PIK3C2B: variants seen among roughly 807,000 people sequenced by gnomAD.
The protein encoded by PIK3C2B is phosphatidylinositol 4-phosphate 3-kinase C2 domain-containing subunit beta.
In PIK3C2B, 83 loss-of-function variants were observed where a neutral mutation model predicts 184.3. The observed-to-expected ratio is 0.45, with a 90% confidence interval of 0.38 to 0.54. The LOEUF (loss-of-function observed/expected upper bound fraction) is 0.54. PIK3C2B is among the 20% of genes least tolerant of loss of function. PIK3C2B has a pLI of 0.00. For missense variants in PIK3C2B, 1,736 were observed against 2,113.5 expected (o/e 0.82, Z 3.50); for synonymous variants, 779 against 837.6 (o/e 0.93, Z 1.21).
chr1:204,451,042 C>A (rs1654305943), intron 12 of PIK3C2B, among the ~76,000 whole-genome samples: 1 of 152,246 alleles, frequency 6.6e-6, no homozygotes, highest in Admixed American at 6.5e-5. Flanking sequence ...GTGAGGCACT[C>A]CCTCCAGCCC....
chr1:204,439,843 C>T (rs1675550464), intron 22 of PIK3C2B, among the ~76,000 whole-genome samples: 1 of 152,118 alleles, frequency 6.6e-6, no homozygotes, highest in Non-Finnish European at 1.5e-5. Context: ...CTAGGTTGGT[C>T]CCAAACATTC....
chr1:204,474,782 C>T (rs1656588758), intron 1 of PIK3C2B, among the ~76,000 whole-genome samples: 2 of 151,518 alleles, frequency 1.3e-5, no homozygotes, highest in Admixed American at 1.3e-4. Context: ...TTTACATGCC[C>T]ACTCATATCT....
Position 204,445,978 on chromosome 1 carries a change from C to T in PIK3C2B, c.2656G>A (p.Ala886Thr), listed in dbSNP as rs774644658. ...CACGTGGCATGCAGGAGCCCCAGGGCATCCTGGTGGTTCATGTGGGTCCAC... is the reference window on the plus strand; with the variant it reads ...CACGTGGCATGCAGGAGCCCCAGGGTATCCTGGTGGTTCATGTGGGTCCAC... ...KQWTHMNHQD[A>T]LGLLHATFPD... Residue 886 changes from alanine to threonine, a missense_variant, in exon 16 of 33, where the codon GCC becomes ACC. Ala to Thr is a moderately conservative substitution (Grantham distance 58). Transcript: ENST00000684373. 5 of 1,550,680 alleles carry T rather than the reference C, an allele frequency of 3.2e-6. No homozygotes were observed. In the South Asian group the frequency reaches 5.9e-5, roughly 18 times the overall value.
Position 204,457,089 on chromosome 1 carries a change from G to A in PIK3C2B, c.1714-19C>T. The A allele has an allele frequency of 2.6e-6, 4 of 1,558,984 alleles. No individual in the cohort carries two copies. The highest frequency in any genetic ancestry group is 3.5e-6 in the Non-Finnish European group (4 of 1,150,050). ...TGGGATCCTGTTGGGAAAAAGAAGAGGGAGGGGAGCTTCAGGGCCATAGCC... is the reference window on the plus strand; with the variant it reads ...TGGGATCCTGTTGGGAAAAAGAAGAAGGAGGGGAGCTTCAGGGCCATAGCC... On this transcript the variant is annotated intron_variant, in intron 9 of 32. Coordinates refer to ENST00000684373, the MANE Select transcript of PIK3C2B (RefSeq NM_001377334.1).
intron 20 of PIK3C2B, 115 bp from the exon 21 acceptor site, chr1:204,441,678 G>T (rs1572308791): frequency 1.7e-6 from 1 of 605,720 alleles, no homozygotes; most frequent in South Asian, 2.3e-5. Flanking sequence ...GTCCACCCAA[G>T]ACCTGCTCAT....
intron 1 of PIK3C2B, among the ~76,000 whole-genome samples, chr1:204,479,533 A>G (rs901612999): frequency 2.0e-5 from 3 of 152,220 alleles, no homozygotes; most frequent in Admixed American, 2.0e-4. Context: ...AGGAAACCCT[A>G]AACGCTCTGA....
chr1:204,428,946 G>T (rs777177742), intron 29 of PIK3C2B: 1 of 454,248 alleles, frequency 2.2e-6, no homozygotes, highest in Non-Finnish European at 4.4e-6. Flanking sequence ...AAAACAGGCC[G>T]AGCGCAGTGG....
chr1:204,428,908 G>A (rs772440140), intron 29 of PIK3C2B: 1 of 456,160 alleles, frequency 2.2e-6, no homozygotes, highest in South Asian at 1.5e-5. Context: ...ATGCTTGAAA[G>A]TTTTAACCCT....
Position 204,491,058 on chromosome 1 carries a change from G to A in PIK3C2B, c.-85+3298C>T, listed in dbSNP as rs1040939445. On this transcript the variant is annotated intron_variant, in intron 1 of 32. Coordinates refer to ENST00000684373, the MANE Select transcript of PIK3C2B (RefSeq NM_001377334.1). ...ACATGCCCATGAGATGTCCCAGGCTGGTGACGTCTCATGGGCATTCAAGGA... is the reference window on the plus strand; with the variant it reads ...ACATGCCCATGAGATGTCCCAGGCTAGTGACGTCTCATGGGCATTCAAGGA... Among the ~76,000 whole-genome samples the A allele has an allele frequency of 7.9e-5, 12 of 152,128 alleles. 1 individual carries two copies. Among genetic ancestry groups the A allele is most frequent in the African/African-American group, 2.4e-4 (10 of 41,422 alleles).
intron 5 of PIK3C2B, among the ~76,000 whole-genome samples, chr1:204,461,847 A>G (rs555485268): frequency 6.6e-6 from 1 of 152,142 alleles, no homozygotes; most frequent in South Asian, 2.1e-4. Flanking sequence ...CTTATCTGAG[A>G]GCAGCCTGCA....
rs746034051 is a variant in PIK3C2B at position 204,447,503 on chromosome 1, A to G, written c.2422T>C (p.Phe808Leu). Reference sequence around the variant, plus strand: ...TGGTCTTCTTCCCGGAGGCTGCCAAACTCATAGCGGGGGCTGAACTTGTCT... The same window carrying G: ...TGGTCTTCTTCCCGGAGGCTGCCAAGCTCATAGCGGGGGCTGAACTTGTCT... Reference protein sequence around the residue: ...PGDKFSPRYEFGSLREEDQRK... With the variant: ...PGDKFSPRYELGSLREEDQRK... Residue 808 changes from phenylalanine (F) to leucine (L), a missense_variant, in exon 15 of 33, where the codon TTT becomes CTT. Transcript: ENST00000684373. This position sits in a 1 kb window ranked among gnomAD's most constrained non-coding sequence, Gnocchi z 4.1. 1.5e-5 allele frequency: 24 copies of G among 1,610,228 alleles called. No individual in the cohort carries two copies. In the African/African-American group the frequency reaches 3.1e-4, roughly 21 times the overall value.
chr1:204,446,198 A>G (rs1184491957), intron 15 of PIK3C2B, 54 bp from the exon 16 acceptor site: 1 of 1,314,584 alleles, frequency 7.6e-7, no homozygotes, highest in Non-Finnish European at 1.1e-6. Flanking sequence ...GCAGTGAGAG[A>G]GAACAGCATC....
At position 204,456,271 on chromosome 1, in the gene PIK3C2B, C is replaced by CTTGT. The variant is rs1180344936; in HGVS notation, c.1748-221_1748-220insACAA. 4.2e-4 allele frequency: 173 copies of CTTGT among 407,958 alleles called. No individual in the cohort carries two copies. In the Admixed American group the frequency reaches 4.4e-3, roughly 10 times the overall value. The allele number at this position is 407,958 out of a possible 1,614,324, so 25.3% of individuals were successfully genotyped here. A position where few individuals can be genotyped will look rare whatever the true frequency, so the allele number is the denominator to read the frequency against. ...AAAATGACAGTTATACAATGTTAAACATAATCCTTATTTTTACGTATTGCT... is the reference window on the plus strand; with the variant it reads ...AAAATGACAGTTATACAATGTTAAACTTGTATAATCCTTATTTTTACGTATTGCT... On this transcript the variant is annotated intron_variant, in intron 10 of 32. Transcript: ENST00000684373.
Position 204,484,184 on chromosome 1 carries a change from CT to C in PIK3C2B, c.-85+10171del, listed in dbSNP as rs371951130. On this transcript the variant is annotated intron_variant, in intron 1 of 32. Transcript: ENST00000684373. ...CAGAAATAGAAGGAAGGAAATATAC[CT>C]TTTTTTCCCCCCTCTGGTATTTTGT... Among the ~76,000 whole-genome samples, 774 of 152,176 alleles carry C rather than the reference CT, an allele frequency of 5.1e-3. 2 individuals are homozygous for C. The highest frequency in any genetic ancestry group is 0.017 in the African/African-American group (699 of 41,520).
chr1:204,448,768 C>T (rs973218426), intron 14 of PIK3C2B, among the ~76,000 whole-genome samples: 4 of 152,164 alleles, frequency 2.6e-5, no homozygotes, highest in African/African-American at 9.7e-5. Flanking sequence ...GTGACCAGCT[C>T]CTCCTCTTCT....
In PIK3C2B at chr1:204,475,246, C is replaced by T. The variant is rs138230121; in HGVS notation, c.-84-5360G>A. On this transcript the variant is annotated intron_variant, in intron 1 of 32. Coordinates refer to ENST00000684373, the MANE Select transcript of PIK3C2B (RefSeq NM_001377334.1). ...CTCTCCTGCCCTGCTCTCCCTCTCA[C>T]CTCCAACCATTCATGACCACGTATG... is the stretch of plus-strand genomic sequence containing the variant. Among the ~76,000 whole-genome samples the T allele has an allele frequency of 3.8e-3, 579 of 152,336 alleles. 3 individuals carry two copies. The Middle Eastern group carries it at 0.044, about 12-fold the overall frequency.
rs563886858 is a variant in PIK3C2B, at chr1:204,451,448, C to T, written c.2067-1431G>A. ...CTCTCCCACAGATCTTCACCCAGGG[C>T]TGGTCAGGATAACCATTATGTTGGC... On this transcript the variant is annotated intron_variant, in intron 12 of 32. Transcript: ENST00000684373. 6.6e-5 allele frequency among the ~76,000 whole-genome samples: 10 copies of T among 152,318 alleles called. No individual in the cohort carries two copies. In the South Asian group the frequency reaches 2.1e-3, roughly 32 times the overall value.
At chr1:204,486,791 T>C (rs1017302227) in intron 1 of PIK3C2B, among the ~76,000 whole-genome samples, 2 of 152,148 alleles carry the variant, frequency 1.3e-5, no homozygotes, top group Admixed American at 6.5e-5. Flanking sequence ...TTAAGTAACA[T>C]CCTTCATTTT....
At chr1:204,486,933 G>T (rs933937194) in intron 1 of PIK3C2B, among the ~76,000 whole-genome samples, 1 of 152,076 alleles carries the variant, frequency 6.6e-6, no homozygotes, top group African/African-American at 2.4e-5. Context: ...TCAGCCTCCA[G>T]AGTAGCTGGG....
Sources: gnomAD v4.1 joint callset for allele counts (sites outside exome capture counted in the v4.1 genomes callset) on GRCh38, gnomAD v4.1.1 for gene constraint, Gnocchi (gnomAD v3.1) non-coding constraint, MANE v1.5 for transcripts, NCBI Gene and HGNC (gene_info 2026-07-23, HGNC 2026-07-21) for gene names.